CNTNAP5: variants seen among roughly 807,000 people sequenced by gnomAD.
CNTNAP5 encodes contactin-associated protein-like 5.
CNTNAP5 carries 72 observed loss-of-function variants against 150.2 expected under a neutral mutation model. That is an observed-to-expected ratio of 0.48 (90% CI 0.40 to 0.58). The LOEUF is 0.58. Among genes scored for constraint, CNTNAP5 ranks in the 20% least tolerant of loss-of-function variants. The pLI is 0.00. For synonymous variants in CNTNAP5, 672 were observed against 619.8 expected (o/e 1.08, Z -1.25); for missense variants, 1,636 against 1,626.2 (o/e 1.01, Z -0.10).
chr2:124,066,950 A>C (rs545838737), intron 1 of CNTNAP5, among the ~76,000 whole-genome samples: 3 of 152,304 alleles, frequency 2.0e-5, no homozygotes, highest in African/African-American at 7.2e-5. Flanking sequence ...TTTGTAATCA[A>C]GTGCAGGAAT....
intron 11 of CNTNAP5, among the ~76,000 whole-genome samples, chr2:124,602,618 T>C (rs1321330963): frequency 1.3e-5 from 2 of 152,070 alleles, no homozygotes; most frequent in Non-Finnish European, 2.9e-5. Context: ...TTCAGCCTCC[T>C]GGGTAGCTGA....
chr2:124,461,392 T>C (rs938352310), intron 6 of CNTNAP5, among the ~76,000 whole-genome samples: 15 of 151,382 alleles, frequency 9.9e-5, no homozygotes, highest in African/African-American at 2.7e-4. Flanking sequence ...ATGGATGAAA[T>C]TGGAAATCAT....
chr2:124,843,410 C>T (rs1353857824), intron 19 of CNTNAP5, among the ~76,000 whole-genome samples: 13 of 151,866 alleles, frequency 8.6e-5, no homozygotes, highest in Admixed American at 7.2e-4. Context: ...CTTATCCACT[C>T]GTTGATTGAT....
intron 11 of CNTNAP5, among the ~76,000 whole-genome samples, chr2:124,565,400 T>A (rs1485476227): frequency 6.6e-6 from 1 of 152,138 alleles, no homozygotes; most frequent in East Asian, 1.9e-4. Context: ...CAATTTTCTA[T>A]GAAGTGATTA....
chr2:124,327,112 C>T (rs898775085), intron 3 of CNTNAP5, among the ~76,000 whole-genome samples: 2 of 150,808 alleles, frequency 1.3e-5, no homozygotes, highest in Non-Finnish European at 2.9e-5. Context: ...TCCCAAGTAG[C>T]GGGGACTACA....
chr2:124,069,737 ACCAAG>A (rs1682254660), intron 1 of CNTNAP5, among the ~76,000 whole-genome samples: 1 of 152,182 alleles, frequency 6.6e-6, no homozygotes, highest in African/African-American at 2.4e-5. Context: ...ATCCAAGATC[ACCAAG>A]CTGTGGGATT....
chr2:124,578,541 G>A (rs1174120745), intron 11 of CNTNAP5, among the ~76,000 whole-genome samples: 2 of 151,924 alleles, frequency 1.3e-5, no homozygotes, highest in Non-Finnish European at 2.9e-5. Context: ...GAAGGCCGAG[G>A]CGGTGGATCA....
chr2:124,528,450 G>T (rs1573438168), intron 10 of CNTNAP5, among the ~76,000 whole-genome samples: 1 of 152,262 alleles, frequency 6.6e-6, no homozygotes, highest in African/African-American at 2.4e-5. Context: ...AGGGAGATTG[G>T]CATAGAAGCA....
chr2:124,493,291 G>T (rs1405436787), intron 7 of CNTNAP5, among the ~76,000 whole-genome samples: 2 of 151,414 alleles, frequency 1.3e-5, no homozygotes. Context: ...TGCTTGCATT[G>T]CAGCCTCTCC....
At chr2:124,810,137 T>C (rs764962943) in intron 19 of CNTNAP5, among the ~76,000 whole-genome samples, 5 of 152,208 alleles carry the variant, frequency 3.3e-5, no homozygotes, top group Non-Finnish European at 5.9e-5. Context: ...CTACTTGATA[T>C]GCATGCATTC....
At chr2:124,658,472 C>T (rs141365625) in intron 13 of CNTNAP5, among the ~76,000 whole-genome samples, 1,516 of 148,074 alleles carry the variant, frequency 0.01, 14 homozygotes, top group Middle Eastern at 0.038. Context: ...AGGAACTTGT[C>T]GGGGTTAGTA....
At chr2:124,907,044 A>G (rs1398043922) in intron 22 of CNTNAP5, among the ~76,000 whole-genome samples, 2 of 152,112 alleles carry the variant, frequency 1.3e-5, no homozygotes, top group African/African-American at 2.4e-5. Context: ...GCCCGGCACT[A>G]TATCATAATA....
At chr2:124,881,006 T>C (rs1193117633) in intron 21 of CNTNAP5, among the ~76,000 whole-genome samples, 1 of 152,034 alleles carries the variant, frequency 6.6e-6, no homozygotes, top group Non-Finnish European at 1.5e-5. Context: ...ATAGAAACAG[T>C]AAATAGGCCA....
rs562146219 is a variant in CNTNAP5 at position 124,674,680 on chromosome 2, C to T, written c.2077+26722C>T. 4.0e-5 allele frequency among the ~76,000 whole-genome samples: 6 copies of T among 151,300 alleles called. No homozygotes were observed. In the East Asian group the frequency reaches 9.8e-4, roughly 25 times the overall value. On this transcript the variant is annotated intron_variant, in intron 13 of 23. Transcript: ENST00000682447. ...GCATCCCAAAAAGTTTGGGTATGTT[C>T]TGCTTTTGTTCTCTTTTGTTTCAAA...
In CNTNAP5 at chr2:124,025,999, G is replaced by A. The variant is rs1161031267; in HGVS notation, c.82+267G>A. Among the ~76,000 whole-genome samples the A allele has an allele frequency of 2.0e-5, 3 of 152,142 alleles. No individual in the cohort carries two copies. The East Asian group carries it at 5.8e-4, about 29-fold the overall frequency. On this transcript the variant is annotated intron_variant, in intron 1 of 23. Transcript: ENST00000682447. Reference sequence around the variant, plus strand: ...TTTCTCTTCCCTTAACCTCCTGCTAGCTCCGCGTTCCATGCCTGCCTGATC... The same window carrying A: ...TTTCTCTTCCCTTAACCTCCTGCTAACTCCGCGTTCCATGCCTGCCTGATC...
chr2:124,748,086 A>G (rs777933048), intron 14 of CNTNAP5, among the ~76,000 whole-genome samples: 7 of 151,994 alleles, frequency 4.6e-5, no homozygotes, highest in Non-Finnish European at 7.4e-5. Flanking sequence ...GGGGTTATAT[A>G]GGCTGTTTCT....
At chr2:124,731,720 G>T (rs936282550) in intron 13 of CNTNAP5, among the ~76,000 whole-genome samples, 6 of 151,904 alleles carry the variant, frequency 3.9e-5, no homozygotes, top group African/African-American at 1.4e-4. Context: ...AAGAATGTGT[G>T]TATGGGTGTG....
chr2:124,540,846 G>A (rs1363852423), intron 10 of CNTNAP5, among the ~76,000 whole-genome samples: 2 of 152,024 alleles, frequency 1.3e-5, no homozygotes, highest in African/African-American at 4.8e-5. Flanking sequence ...AAATAATCAT[G>A]GAAATAAACA....
At chr2:124,379,147 A>G (rs1011204594) in intron 3 of CNTNAP5, among the ~76,000 whole-genome samples, 2 of 151,482 alleles carry the variant, frequency 1.3e-5, no homozygotes, top group Non-Finnish European at 2.9e-5. Context: ...TTTTTTTACA[A>G]CTGTGCAATT....
Sources: allele counts gnomAD v4.1 joint callset (sites outside exome capture counted in the v4.1 genomes callset), GRCh38; gene constraint gnomAD v4.1.1; transcripts MANE v1.5; gene names NCBI Gene and HGNC (gene_info 2026-07-23, HGNC 2026-07-21).